The following NTF3 variants were observed in gnomAD, a reference collection of about 807,000 sequenced individuals.
NTF3 encodes neurotrophin 3, also known as neurotrophin-3.
Under a neutral mutation model 26.3 loss-of-function variants are expected in NTF3, and 8 were observed. That is an observed-to-expected ratio of 0.30 (90% CI 0.18 to 0.55). NTF3 has a LOEUF of 0.55. Among genes scored for constraint, NTF3 ranks in the 20% least tolerant of loss-of-function variants. NTF3 has a pLI of 0.93. For missense variants in NTF3, 276 were observed against 352.9 expected (o/e 0.78, Z 1.75); for synonymous variants, 154 against 145.5 (o/e 1.06, Z -0.42).
At chr12:5,439,093 T>G (rs1322882783) in intron 1 of NTF3, among the ~76,000 whole-genome samples, 2 of 152,158 alleles carry the variant, frequency 1.3e-5, no homozygotes, top group African/African-American at 4.8e-5. Flanking sequence ...AGGGGTGGGA[T>G]TTGGCTTTCT....
chr12:5,473,188 C>T (rs923900661), intron 1 of NTF3, among the ~76,000 whole-genome samples: 5 of 152,216 alleles, frequency 3.3e-5, no homozygotes, highest in Non-Finnish European at 7.3e-5. Context: ...TGGCTTTTGC[C>T]TGCCCAGCCC....
At chr12:5,491,713 C>T (rs1298406602) in intron 1 of NTF3, among the ~76,000 whole-genome samples, 1 of 125,076 alleles carries the variant, frequency 8.0e-6, no homozygotes, top group Non-Finnish European at 1.7e-5. Context: ...GGTCTCTCCT[C>T]TTCTTTTTTT....
At position 5,462,220 on chromosome 12, in the gene NTF3, GT is replaced by G. The variant is rs1438967904; in HGVS notation, c.18+29884del. On this transcript the variant is annotated intron_variant, in intron 1 of 1. Coordinates refer to ENST00000423158, the MANE Select transcript of NTF3 (RefSeq NM_001102654.2). ...CACTCTCTCTCATTGAGTTTCAAAG[GT>G]TTTTTAATCCTCCACATAGGTCTCT... 2.6e-5 allele frequency among the ~76,000 whole-genome samples: 4 copies of G among 152,184 alleles called. No homozygotes were observed. In the East Asian group the frequency reaches 5.8e-4, roughly 22 times the overall value.
intron 1 of NTF3, among the ~76,000 whole-genome samples, chr12:5,483,594 A>T (rs1940833189): frequency 6.6e-6 from 1 of 152,240 alleles, no homozygotes; most frequent in South Asian, 2.1e-4. Context: ...TGCTGCAGTG[A>T]ACATATATGT....
chr12:5,454,476 C>T (rs1940412652), intron 1 of NTF3, among the ~76,000 whole-genome samples: 1 of 152,106 alleles, frequency 6.6e-6, no homozygotes, highest in Admixed American at 6.5e-5. Flanking sequence ...GTGGTAGACA[C>T]AATTCAACCC....
At chr12:5,463,801 TG>T (rs1191623416) in intron 1 of NTF3, among the ~76,000 whole-genome samples, 8 of 152,220 alleles carry the variant, frequency 5.3e-5, no homozygotes, top group African/African-American at 1.4e-4. Flanking sequence ...ACCACACTAC[TG>T]GGTTACCAAC....
chr12:5,450,139 A>T (rs528197339), intron 1 of NTF3, among the ~76,000 whole-genome samples: 2 of 152,004 alleles, frequency 1.3e-5, no homozygotes, highest in African/African-American at 4.8e-5. Flanking sequence ...TAATCTCTTG[A>T]CTCCCAGATG....
upstream of NTF3, chr12:5,432,094 A>T: frequency 3.3e-6 from 2 of 597,134 alleles, no homozygotes; most frequent in East Asian, 5.9e-5. Context: ...AACCGCGCAG[A>T]TTCTGTTCAC....
At chr12:5,480,369 A>G (rs1591604816) in intron 1 of NTF3, among the ~76,000 whole-genome samples, 1 of 152,268 alleles carries the variant, frequency 6.6e-6, no homozygotes, top group Non-Finnish European at 1.5e-5. Flanking sequence ...GCTGGGTGGG[A>G]AAGGAAGACA....
At chr12:5,468,712 G>A (rs189945478) in intron 1 of NTF3, among the ~76,000 whole-genome samples, 18 of 152,296 alleles carry the variant, frequency 1.2e-4, no homozygotes, top group African/African-American at 3.9e-4. Flanking sequence ...ATGCTGCTCC[G>A]CTTATGCTGG....
At chr12:5,461,622 C>G (rs1940527772) in intron 1 of NTF3, among the ~76,000 whole-genome samples, 2 of 152,104 alleles carry the variant, frequency 1.3e-5, no homozygotes, top group South Asian at 4.1e-4. Context: ...CCTCATACAC[C>G]TGCCTCTCCT....
At chr12:5,478,276 C>T (rs1940747851) in intron 1 of NTF3, among the ~76,000 whole-genome samples, 1 of 152,258 alleles carries the variant, frequency 6.6e-6, no homozygotes, top group Admixed American at 6.5e-5. Flanking sequence ...TGCAAGACTA[C>T]AGTTATTACT....
In NTF3 at chr12:5,432,192, T is replaced by C. The variant is rs373360388; in HGVS notation, c.-133T>C. 4.7e-6 allele frequency: 5 copies of C among 1,067,262 alleles called. No individual in the cohort carries two copies. In the South Asian group the frequency reaches 6.4e-5, roughly 14 times the overall value. The allele number at this position is 1,067,262 out of a possible 1,614,324, so 66.1% of individuals were successfully genotyped here. A position where few individuals can be genotyped will look rare whatever the true frequency, so the allele number is the denominator to read the frequency against. On this transcript the variant is annotated 5_prime_UTR_variant, in exon 1 of 2. Transcript: ENST00000423158. ...CCCGGCGCAACTACTTTCTTCTCTC[T>C]CCTTTCTTTCTTCCTCTCCTTTTTC...
At chr12:5,454,674 T>C (rs1055463336) in intron 1 of NTF3, among the ~76,000 whole-genome samples, 2 of 152,238 alleles carry the variant, frequency 1.3e-5, no homozygotes, top group African/African-American at 4.8e-5. Flanking sequence ...CTCATTTTCC[T>C]TGGCTCAGTT....
chr12:5,435,951 G>T (rs1940162739), intron 1 of NTF3, among the ~76,000 whole-genome samples: 1 of 152,170 alleles, frequency 6.6e-6, no homozygotes, highest in African/African-American at 2.4e-5. Context: ...ATGTGTTTTT[G>T]CAGGAATTCT....
At chr12:5,453,062 A>T (rs1470636928) in intron 1 of NTF3, among the ~76,000 whole-genome samples, 2 of 152,254 alleles carry the variant, frequency 1.3e-5, no homozygotes, top group Non-Finnish European at 2.9e-5. Flanking sequence ...TAAAATGGGG[A>T]TAATAATGTA....
chr12:5,462,450 G>A (rs1020437542), intron 1 of NTF3, among the ~76,000 whole-genome samples: 3 of 152,130 alleles, frequency 2.0e-5, no homozygotes, highest in East Asian at 1.9e-4. Context: ...ACAGAGGCTC[G>A]AGGTAAGGAT....
At chr12:5,480,328 A>G (rs753187398) in intron 1 of NTF3, among the ~76,000 whole-genome samples, 3 of 152,168 alleles carry the variant, frequency 2.0e-5, no homozygotes, top group Non-Finnish European at 4.4e-5. Context: ...GCCTTTATTT[A>G]CCACAGTGGG....
At chr12:5,434,092 A>C (rs897340489) in intron 1 of NTF3, among the ~76,000 whole-genome samples, 1 of 152,154 alleles carries the variant, frequency 6.6e-6, no homozygotes, top group African/African-American at 2.4e-5. Context: ...CAACACTCAG[A>C]AGTTCTCCAG....
Sources: allele counts gnomAD v4.1 joint callset (sites outside exome capture counted in the v4.1 genomes callset), GRCh38; gene constraint gnomAD v4.1.1; transcripts MANE v1.5; gene names NCBI Gene and HGNC (gene_info 2026-07-23, HGNC 2026-07-21).